Variants in LCP2 observed in about 807,000 individuals in gnomAD.
LCP2 encodes the protein lymphocyte cytosolic protein 2.
In LCP2, 29 loss-of-function variants were observed where a neutral mutation model predicts 74.5. The ratio of observed to expected loss-of-function variants is 0.39; its 90% CI spans 0.29 to 0.53. The LOEUF (loss-of-function observed/expected upper bound fraction) is 0.53, where lower values mean the gene tolerates loss of function less well. Ranked by LOEUF, LCP2 falls within the 20% of genes least tolerant of loss-of-function variation. LCP2 has a pLI of 0.72. For synonymous variants in LCP2, 228 were observed against 229.5 expected, an observed-to-expected ratio of 0.99 and a Z score of 0.06; for missense variants, 604 against 634.6, an observed-to-expected ratio of 0.95 and a Z score of 0.52.
At chr5:170,254,895 C>T (rs1202769890) in intron 17 of LCP2, among the ~76,000 whole-genome samples, 1 of 152,192 alleles carries the variant, frequency 6.6e-6, no homozygotes, top group Non-Finnish European at 1.5e-5. Context: ...GATGTTGGAA[C>T]AACCAGTAGA....
At chr5:170,249,380 A>ATAGC (rs57880741) in intron 20 of LCP2, among the ~76,000 whole-genome samples, 1 of 148,016 alleles carries the variant, frequency 6.8e-6, no homozygotes, top group East Asian at 2.0e-4. Context: ...ATATATATAT[A>ATAGC]TCTACATATC....
rs1761993122 is a variant in LCP2, at chr5:170,275,607, G to A, written c.254+188C>T. On this transcript the variant is annotated intron_variant, in intron 4 of 20. Transcript: ENST00000046794. Reference sequence around the variant, plus strand: ...TAGAGGAAGTTCCCCTGATGTCCCAGACCCAGGGACAGGATGCAGAGCAGG... The same window carrying A: ...TAGAGGAAGTTCCCCTGATGTCCCAAACCCAGGGACAGGATGCAGAGCAGG... 4.6e-6 allele frequency: 3 copies of A among 647,004 alleles called. No individual in the cohort carries two copies. The East Asian group carries it at 8.2e-5, about 18-fold the overall frequency. The allele number at this position is 647,004 out of a possible 1,614,324, so 40.1% of individuals were successfully genotyped here.
chr5:170,253,581 T>C (rs1761493480), intron 17 of LCP2, among the ~76,000 whole-genome samples: 1 of 152,224 alleles, frequency 6.6e-6, no homozygotes, highest in Admixed American at 6.5e-5. Flanking sequence ...TTTCATAGAT[T>C]CTTATAATAT....
At chr5:170,261,816 G>T (rs1761660306) in intron 13 of LCP2, among the ~76,000 whole-genome samples, 1 of 152,194 alleles carries the variant, frequency 6.6e-6, no homozygotes, top group Non-Finnish European at 1.5e-5. Context: ...TGGACAATTT[G>T]TTGAACACCT....
chr5:170,248,570 A>T lies in LCP2; in HGVS notation c.*127T>A. On this transcript the variant is annotated 3_prime_UTR_variant, in exon 21 of 21. Transcript: ENST00000046794. Reference sequence around the variant, plus strand: ...TCAAACACTGTTTTTAAAGGAAAGGATAAAACCCTTGTGTTCATGGGGAGG... The same window carrying T: ...TCAAACACTGTTTTTAAAGGAAAGGTTAAAACCCTTGTGTTCATGGGGAGG... 1 of 950,818 alleles carries T rather than the reference A, an allele frequency of 1.1e-6. No homozygotes were observed. Among genetic ancestry groups the T allele is most frequent in the African/African-American group, 1.7e-5 (1 of 59,422 alleles). The allele number at this position is 950,818 out of a possible 1,614,324, so 58.9% of individuals were successfully genotyped here. A position where few individuals can be genotyped will look rare whatever the true frequency, so the allele number is the denominator to read the frequency against.
intron 13 of LCP2, 82 bp downstream of exon 13, chr5:170,262,553 G>A (rs990954336): frequency 9.8e-7 from 1 of 1,022,052 alleles, no homozygotes; most frequent in East Asian, 2.6e-5. Flanking sequence ...GAGGAGCCTC[G>A]GTTCCCACTG....
In LCP2 at chr5:170,256,427, A is replaced by T. The variant is rs79541226; in HGVS notation, c.1150+99T>A. On this transcript the variant is annotated intron_variant, in intron 17 of 20. Coordinates refer to ENST00000046794, the MANE Select transcript of LCP2 (RefSeq NM_005565.5). This position sits in a 1 kb window ranked among gnomAD's most constrained non-coding sequence, Gnocchi z 4.5. ...AATGAGGAAATCAGATGCTTTTAGG[A>T]AACAATAAAACCTTTGTCGAAAGCT... 3.3e-3 allele frequency: 3,186 copies of T among 955,768 alleles called. 73 individuals are homozygous for T. In the African/African-American group the frequency reaches 0.046, roughly 14 times the overall value. 59.2% of individuals were successfully genotyped at this position (955,768 alleles called of 1,614,324 possible). A position where few individuals can be genotyped will look rare whatever the true frequency, so the allele number is the denominator to read the frequency against.
chr5:170,273,920 C>T (rs3747709), intron 6 of LCP2: 25 of 86,092 alleles, frequency 2.9e-4, no homozygotes, highest in African/African-American at 7.6e-4. Context: ...TTTTTGGAGA[C>T]GGGGGGGTAG....
intron 10 of LCP2, among the ~76,000 whole-genome samples, chr5:170,263,673 A>G (rs1030465711): frequency 6.6e-6 from 1 of 152,258 alleles, no homozygotes; most frequent in Non-Finnish European, 1.5e-5. Flanking sequence ...TTTAATTTGT[A>G]TTCTATCTAA....
chr5:170,276,515 G>C (rs2113191092), intron 3 of LCP2, among the ~76,000 whole-genome samples: 2 of 152,274 alleles, frequency 1.3e-5, no homozygotes, highest in South Asian at 4.1e-4. Context: ...ATGCCCTTGA[G>C]GCCAGCTTTG....
chr5:170,294,675 C>T (rs1324244925), intron 1 of LCP2, among the ~76,000 whole-genome samples: 1 of 152,218 alleles, frequency 6.6e-6, no homozygotes, highest in African/African-American at 2.4e-5. Flanking sequence ...ATGATTATCA[C>T]ACTCAGAAAG....
chr5:170,275,473 G>C, intron 4 of LCP2, 122 bp from the exon 5 acceptor site: 1 of 1,133,668 alleles, frequency 8.8e-7, no homozygotes, highest in Non-Finnish European at 1.3e-6. Context: ...GCTCAAGAGA[G>C]GTTTGTATCC....
rs949861548 is a variant in LCP2 at position 170,272,708 on chromosome 5, G to A, written c.324+1593C>T. On this transcript the variant is annotated intron_variant, in intron 6 of 20. Coordinates refer to ENST00000046794, the MANE Select transcript of LCP2 (RefSeq NM_005565.5). Reference sequence around the variant, plus strand: ...GCTTACTGCAACCTCCACCTCCCGGGTTCAAGCAATTCTCCTGCCTCAGCC... The same window carrying A: ...GCTTACTGCAACCTCCACCTCCCGGATTCAAGCAATTCTCCTGCCTCAGCC... Among the ~76,000 whole-genome samples the A allele has an allele frequency of 4.1e-4, 55 of 134,240 alleles. 1 individual carries two copies. Among genetic ancestry groups the A allele is most frequent in the African/African-American group, 1.5e-3 (53 of 35,432 alleles). 88.1% of individuals were successfully genotyped at this position (134,240 alleles called of 152,430 possible).
intron 2 of LCP2, among the ~76,000 whole-genome samples, chr5:170,290,013 C>T (rs1040171444): frequency 6.6e-6 from 1 of 152,032 alleles, no homozygotes; most frequent in Non-Finnish European, 1.5e-5. Context: ...CACAGAGGAG[C>T]AGGGTGTCAG....
At chr5:170,287,308 G>A (rs146475211) in intron 3 of LCP2, among the ~76,000 whole-genome samples, 28 of 152,212 alleles carry the variant, frequency 1.8e-4, no homozygotes, top group African/African-American at 5.5e-4. Flanking sequence ...ACAAAACAAC[G>A]GGGCTTTGTG....
At chr5:170,248,932 T>G in intron 20 of LCP2, 113 bp from the exon 21 acceptor site, 1 of 1,072,140 alleles carries the variant, frequency 9.3e-7, no homozygotes. Flanking sequence ...ATGAGGATTG[T>G]GGGGGGAAAA....
At position 170,258,799 on chromosome 5, in the gene LCP2, CT is replaced by C. The variant is rs1350916888; in HGVS notation, c.970+66del. The stretch of plus-strand genomic sequence containing the variant: ...GGGGTTCCTGTACTAAACAATTCCA[CT>C]TGAATGCCTGAGCAGGAAAATGAAA... On this transcript the variant is annotated intron_variant, in intron 15 of 20. Transcript: ENST00000046794. 6 of 1,195,268 alleles carry C rather than the reference CT, an allele frequency of 5.0e-6. No homozygotes were observed. The African/African-American group carries it at 7.6e-5, about 15-fold the overall frequency. The allele number at this position is 1,195,268 out of a possible 1,614,324, so 74.0% of individuals were successfully genotyped here.
intron 3 of LCP2, among the ~76,000 whole-genome samples, chr5:170,280,638 C>T (rs959820791): frequency 3.1e-4 from 47 of 152,200 alleles, no homozygotes; most frequent in Non-Finnish European, 6.2e-4. Context: ...TGTAGTTTTA[C>T]ATGGAGTGTT....
intron 18 of LCP2, 24 bp from the exon 19 acceptor site, chr5:170,252,535 C>T: frequency 8.0e-7 from 1 of 1,257,318 alleles, no homozygotes; most frequent in Non-Finnish European, 1.1e-6. Flanking sequence ...TTTTTAGAAA[C>T]TGAATAAATT....
Sources: gnomAD v4.1 joint callset for allele counts (sites outside exome capture counted in the v4.1 genomes callset) on GRCh38, gnomAD v4.1.1 for gene constraint, Gnocchi (gnomAD v3.1) non-coding constraint, MANE v1.5 for transcripts, NCBI Gene and HGNC (gene_info 2026-07-23, HGNC 2026-07-21) for gene names.